The following AGPAT3 variants were observed in gnomAD, a reference collection of about 807,000 sequenced individuals.
AGPAT3 encodes the protein 1-acyl-sn-glycerol-3-phosphate acyltransferase gamma.
A neutral mutation model predicts 47.3 loss-of-function variants in AGPAT3; 5 were observed. The observed-to-expected ratio is 0.11, with a 90% CI of 0.06 to 0.22. AGPAT3 has a LOEUF of 0.22. Among genes scored for constraint, AGPAT3 ranks in the 10% least tolerant of loss-of-function variants. The pLI, the probability that AGPAT3 is intolerant of heterozygous loss-of-function variation, is 1.00. For synonymous variants in AGPAT3, 212 were observed against 208.3 expected (o/e 1.02, Z -0.15); for missense variants, 315 against 493.0 (o/e 0.64, Z 3.42).
chr21:43,894,798 T>C (rs1210751565), intron 1 of AGPAT3, among the ~76,000 whole-genome samples: 1 of 152,214 alleles, frequency 6.6e-6, no homozygotes, highest in Non-Finnish European at 1.5e-5. Flanking sequence ...TAACTTTACA[T>C]TTTCAAGTTC....
chr21:43,962,901 G>A (rs1461586517), intron 3 of AGPAT3, among the ~76,000 whole-genome samples: 1 of 152,156 alleles, frequency 6.6e-6, no homozygotes, highest in Non-Finnish European at 1.5e-5. Context: ...ATGACCCACT[G>A]TGCCCCGACT....
At chr21:43,883,178 G>T (rs1047389359) in intron 1 of AGPAT3, among the ~76,000 whole-genome samples, 1 of 152,166 alleles carries the variant, frequency 6.6e-6, no homozygotes, top group Non-Finnish European at 1.5e-5. Flanking sequence ...ACTCCACTGC[G>T]CATGCTCTGT....
At chr21:43,888,198 C>G (rs1361653059) in intron 1 of AGPAT3, among the ~76,000 whole-genome samples, 3 of 152,104 alleles carry the variant, frequency 2.0e-5, no homozygotes, top group Non-Finnish European at 2.9e-5. Context: ...CACCACCACA[C>G]CCAGCTAATT....
In AGPAT3 at chr21:43,970,667, C is replaced by T. The variant is rs757422356; in HGVS notation, c.525C>T (p.Cys175=). 39 of 1,613,498 alleles carry T rather than the reference C, an allele frequency of 2.4e-5. No homozygotes were observed. Among genetic ancestry groups the T allele is most frequent in the Non-Finnish European group, 2.7e-5 (32 of 1,179,772 alleles). The change falls in exon 6 of 10, where the codon TGC becomes TGT. Residue 175 remains cysteine (C), a synonymous_variant. Coordinates refer to ENST00000291572, the MANE Select transcript of AGPAT3 (RefSeq NM_020132.5). The surrounding 1 kb of genome is among the most constrained non-coding windows in gnomAD (Gnocchi z 5.8). ...YPEYMWFLLY[C]EGTRFTETKH... ...GTTGATCCTAGTTTCTCCTGTACTG[C>T]GAGGGGACGCGCTTCACGGAGACCA... is the stretch of plus-strand genomic sequence containing the variant.
intron 2 of AGPAT3, among the ~76,000 whole-genome samples, chr21:43,957,043 C>G (rs114868461): frequency 6.6e-6 from 1 of 152,150 alleles, no homozygotes; most frequent in South Asian, 2.1e-4. Context: ...CTTGTCCCCA[C>G]GGTTTCTGGG....
chr21:43,874,144 G>C (rs908213087), intron 1 of AGPAT3, among the ~76,000 whole-genome samples: 2 of 152,212 alleles, frequency 1.3e-5, no homozygotes, highest in Non-Finnish European at 2.9e-5. Context: ...TCCTGCCTCA[G>C]CCACCTGAGT....
intron 7 of AGPAT3, among the ~76,000 whole-genome samples, chr21:43,973,555 C>T (rs1337088792): frequency 6.6e-6 from 1 of 152,372 alleles, no homozygotes; most frequent in East Asian, 1.9e-4. Context: ...TCGGGTGCCA[C>T]ACAGCCCCCC....
At chr21:43,865,464 G>A (rs1397085648) in intron 1 of AGPAT3, 119 bp downstream of exon 1, 2 of 146,642 alleles carry the variant, frequency 1.4e-5, no homozygotes, top group Non-Finnish European at 3.0e-5. Flanking sequence ...GTCCGACCTC[G>A]GGCCGCCCGG....
In AGPAT3 at chr21:43,971,372, C is replaced by G; in HGVS notation, c.665-16C>G. 1 of 1,612,416 alleles carries G rather than the reference C, an allele frequency of 6.2e-7. No homozygotes were observed. The highest frequency in any genetic ancestry group is 1.7e-5 in the Admixed American group (1 of 60,006). On this transcript the variant is annotated splice_polypyrimidine_tract_variant and intron_variant, in intron 6 of 9. Coordinates refer to ENST00000291572, the MANE Select transcript of AGPAT3 (RefSeq NM_020132.5). ...CGCCTGGGCTGGGTCATTCACCCTC[C>G]CGTCTCCTCCCACAGTCGCAGCTGT...
chr21:43,924,919 G>A (rs1419389091), intron 2 of AGPAT3: 1 of 152,276 alleles, frequency 6.6e-6, no homozygotes, highest in Non-Finnish European at 1.5e-5. Context: ...TTCAAGCCCC[G>A]TGTGTCTTTG....
intron 1 of AGPAT3, among the ~76,000 whole-genome samples, chr21:43,865,862 C>T (rs2085494324): frequency 1.3e-5 from 2 of 152,024 alleles, no homozygotes; most frequent in Admixed American, 1.3e-4. Flanking sequence ...CCTCCTCGCG[C>T]GCCCAGGCCA....
chr21:43,910,435 G>A (rs1569059357), intron 2 of AGPAT3, among the ~76,000 whole-genome samples: 1 of 152,214 alleles, frequency 6.6e-6, no homozygotes, highest in Non-Finnish European at 1.5e-5. Context: ...AAGTGAATTA[G>A]GTGAAGTCCT....
In AGPAT3 at chr21:43,934,691, C is replaced by T. The variant is rs1391677174; in HGVS notation, c.-48-24943C>T. On this transcript the variant is annotated intron_variant, in intron 2 of 9. Coordinates refer to ENST00000291572, the MANE Select transcript of AGPAT3 (RefSeq NM_020132.5). The surrounding 1 kb of genome is among the most constrained non-coding windows in gnomAD (Gnocchi z 4.7). ...GATGACATTCAGATAGCTGGGAGCA[C>T]GAGGAGGCCACGTGCCCATGGTGGA... Among the ~76,000 whole-genome samples the T allele has an allele frequency of 4.6e-5, 7 of 152,084 alleles. No individual in the cohort carries two copies. Among genetic ancestry groups the T allele is most frequent in the Non-Finnish European group, 1.0e-4 (7 of 68,010 alleles).
rs895996373 is a variant in AGPAT3, at chr21:43,908,312, C to T, written c.-49+4293C>T. On this transcript the variant is annotated intron_variant, in intron 2 of 9. Coordinates refer to ENST00000291572, the MANE Select transcript of AGPAT3 (RefSeq NM_020132.5). This position sits in a 1 kb window ranked among gnomAD's most constrained non-coding sequence, Gnocchi z 4.9. ...AGGACTCTGGGGAAGGAATGCCTGT[C>T]GTGAGCGGAACCAGCCAAGTTCACA... Among the ~76,000 whole-genome samples, 1 of 152,152 alleles carries T rather than the reference C, an allele frequency of 6.6e-6. No individual in the cohort carries two copies. Among genetic ancestry groups the T allele is most frequent in the African/African-American group, 2.4e-5 (1 of 41,428 alleles).
chr21:43,950,364 G>A (rs192081702), intron 2 of AGPAT3, among the ~76,000 whole-genome samples: 60 of 152,300 alleles, frequency 3.9e-4, no homozygotes, highest in Middle Eastern at 6.8e-3. Context: ...TGATAAGGTT[G>A]GGCTGGCAAC....
At chr21:43,921,934 A>G (rs1317452582) in intron 2 of AGPAT3, among the ~76,000 whole-genome samples, 2 of 151,930 alleles carry the variant, frequency 1.3e-5, no homozygotes, top group South Asian at 2.1e-4. Context: ...TGTGGAGAGG[A>G]CATTTCACAG....
At chr21:43,870,245 A>G (rs1001105287) in intron 1 of AGPAT3, among the ~76,000 whole-genome samples, 1 of 152,194 alleles carries the variant, frequency 6.6e-6, no homozygotes, top group Non-Finnish European at 1.5e-5. Flanking sequence ...GTTTCAGTGC[A>G]CACAGGTTAT....
intron 1 of AGPAT3, among the ~76,000 whole-genome samples, chr21:43,893,792 A>C: frequency 6.6e-6 from 1 of 152,220 alleles, no homozygotes; most frequent in Admixed American, 6.5e-5. Flanking sequence ...TTTTCCACTC[A>C]GTTCCTCCTC....
chr21:43,878,351 C>T (rs759565202), intron 1 of AGPAT3, among the ~76,000 whole-genome samples: 98 of 152,358 alleles, frequency 6.4e-4, no homozygotes, highest in Admixed American at 2.7e-3. Context: ...GGAGTCACGT[C>T]GTGGCTCTGT....
Sources: allele counts gnomAD v4.1 joint callset (sites outside exome capture counted in the v4.1 genomes callset), GRCh38; gene constraint gnomAD v4.1.1; non-coding constraint Gnocchi (gnomAD v3.1); transcripts MANE v1.5; gene names NCBI Gene and HGNC (gene_info 2026-07-23, HGNC 2026-07-21).